The following OXSR1 variants were observed in gnomAD, a reference collection of about 807,000 sequenced individuals.
OXSR1 encodes the protein serine/threonine-protein kinase OSR1.
Under a neutral mutation model 79.8 loss-of-function variants are expected in OXSR1, and 24 were observed. That is an observed-to-expected ratio of 0.30 (90% CI 0.22 to 0.42). OXSR1 has a LOEUF of 0.42. Ranked by LOEUF, OXSR1 falls within the 10% of genes least tolerant of loss-of-function variation. The pLI is 1.00. For synonymous variants in OXSR1, 226 were observed against 209.2 expected, an observed-to-expected ratio of 1.08 and a Z score of -0.69; for missense variants, 430 against 618.4, an observed-to-expected ratio of 0.70 and a Z score of 3.23.
At position 38,170,618 on chromosome 3, in the gene OXSR1, G is replaced by A. The variant is rs114429445; in HGVS notation, c.70+4672G>A. On this transcript the variant is annotated intron_variant, in intron 1 of 17. Coordinates refer to ENST00000311806, the MANE Select transcript of OXSR1 (RefSeq NM_005109.3). ...CAGTTGAAGACACAGAGACAGAAAG[G>A]TAACATGACTGCTTAAAGCCATGTA... 2.9e-3 allele frequency among the ~76,000 whole-genome samples: 443 copies of A among 152,276 alleles called. 1 individual carries two copies. Among genetic ancestry groups the A allele is most frequent in the African/African-American group, 0.01 (423 of 41,538 alleles).
At chr3:38,252,720 C>T in intron 17 of OXSR1, 97 bp from the exon 18 acceptor site, 1 of 919,912 alleles carries the variant, frequency 1.1e-6, no homozygotes, top group Non-Finnish European at 1.8e-6. Context: ...GACCTGTTGC[C>T]CACTGCCTAC....
At chr3:38,223,652 G>A (rs1702632906) in intron 6 of OXSR1, among the ~76,000 whole-genome samples, 160 bp from the exon 7 acceptor site, 1 of 150,912 alleles carries the variant, frequency 6.6e-6, no homozygotes, top group African/African-American at 2.4e-5. Flanking sequence ...GTTTCTCCAT[G>A]TTGGTCAGGC....
chr3:38,208,158 A>G (rs1488644781), intron 4 of OXSR1, among the ~76,000 whole-genome samples: 1 of 151,912 alleles, frequency 6.6e-6, no homozygotes, highest in African/African-American at 2.4e-5. Context: ...CATTTTTTCT[A>G]CTTAACAGTG....
chr3:38,195,362 C>G (rs1702054838), intron 3 of OXSR1, among the ~76,000 whole-genome samples: 1 of 152,154 alleles, frequency 6.6e-6, no homozygotes, highest in South Asian at 2.1e-4. Context: ...CTTCCTTGAT[C>G]TAAAGGAGGA....
At chr3:38,234,165 A>G (rs984386185) in intron 10 of OXSR1, among the ~76,000 whole-genome samples, 2 of 152,190 alleles carry the variant, frequency 1.3e-5, no homozygotes, top group Non-Finnish European at 2.9e-5. Flanking sequence ...AAATATAGCT[A>G]TAAACCTTTG....
intron 11 of OXSR1, among the ~76,000 whole-genome samples, chr3:38,239,848 C>T (rs186152792): frequency 6.6e-6 from 1 of 152,294 alleles, no homozygotes; most frequent in East Asian, 1.9e-4. Flanking sequence ...ATCTAGGTTC[C>T]ACCTCCCTGT....
rs763712090 is a variant in OXSR1, at chr3:38,174,678, G to T, written c.71-8325G>T. Among the ~76,000 whole-genome samples the T allele has an allele frequency of 1.1e-4, 16 of 152,236 alleles. 1 individual carries two copies. Among genetic ancestry groups the T allele is most frequent in the Non-Finnish European group, 2.2e-4 (15 of 68,038 alleles). ...GGTTATCCAGGGGAGAGAAGTAGTA[G>T]TGGAGATGGTGAGAAGTGGTCAGAT... On this transcript the variant is annotated intron_variant, in intron 1 of 17. Transcript: ENST00000311806.
intron 4 of OXSR1, among the ~76,000 whole-genome samples, chr3:38,204,991 G>A (rs368651186): frequency 6.6e-6 from 1 of 152,208 alleles, no homozygotes; most frequent in African/African-American, 2.4e-5. Flanking sequence ...CTCAGGTTCT[G>A]ACTGCTGAGA....
intron 3 of OXSR1, among the ~76,000 whole-genome samples, chr3:38,195,561 T>G (rs1009980181): frequency 2.6e-5 from 4 of 152,208 alleles, no homozygotes; most frequent in Non-Finnish European, 5.9e-5. Flanking sequence ...AAAGATTTAT[T>G]AAAACTTCCT....
chr3:38,213,813 A>T (rs1456541312), intron 4 of OXSR1, among the ~76,000 whole-genome samples: 2 of 152,164 alleles, frequency 1.3e-5, no homozygotes, highest in Non-Finnish European at 2.9e-5. Flanking sequence ...CCTTTGAGAG[A>T]TATTTTATGT....
intron 16 of OXSR1, 64 bp from the exon 17 acceptor site, chr3:38,252,264 A>G: frequency 5.3e-6 from 6 of 1,131,246 alleles, no homozygotes; most frequent in Non-Finnish European, 8.1e-6. Context: ...AGCTTTTAAA[A>G]TATGGTTGAA....
rs1395035817 is a variant in OXSR1, at chr3:38,214,196, A to T, written c.435-1900A>T. Among the ~76,000 whole-genome samples, 9 of 149,134 alleles carry T rather than the reference A, an allele frequency of 6.0e-5. No individual in the cohort carries two copies. The East Asian group carries it at 1.8e-3, about 29-fold the overall frequency. Reference sequence around the variant, plus strand: ...CTTTTTTTTTTTTTTTCCCAGGAAGAGGATTTGAGGCAGGTCATCTCCTCA... The same window carrying T: ...CTTTTTTTTTTTTTTTCCCAGGAAGTGGATTTGAGGCAGGTCATCTCCTCA... On this transcript the variant is annotated intron_variant, in intron 4 of 17. Coordinates refer to ENST00000311806, the MANE Select transcript of OXSR1 (RefSeq NM_005109.3).
At chr3:38,233,621 A>C (rs1287162874) in intron 10 of OXSR1, among the ~76,000 whole-genome samples, 1 of 152,208 alleles carries the variant, frequency 6.6e-6, no homozygotes, top group African/African-American at 2.4e-5. Context: ...TAGAGATAAG[A>C]GTTTATATTT....
At chr3:38,179,590 C>A (rs898539347) in intron 1 of OXSR1, among the ~76,000 whole-genome samples, 3 of 152,068 alleles carry the variant, frequency 2.0e-5, no homozygotes, top group African/African-American at 7.2e-5. Context: ...TTCATAACTC[C>A]AAAAGAAACA....
intron 4 of OXSR1, among the ~76,000 whole-genome samples, chr3:38,199,239 A>T (rs1702118656): frequency 6.6e-6 from 1 of 151,800 alleles, no homozygotes. Context: ...AAAGCTTTTT[A>T]TAAAATAACA....
chr3:38,164,893 G>A (rs1701401774), upstream of OXSR1, among the ~76,000 whole-genome samples: 1 of 152,162 alleles, frequency 6.6e-6, no homozygotes, highest in Admixed American at 6.5e-5. Flanking sequence ...CAAACTTCCA[G>A]TTTCACTCCG....
chr3:38,204,939 AC>A (rs1321393570), intron 4 of OXSR1, among the ~76,000 whole-genome samples: 2 of 151,986 alleles, frequency 1.3e-5, no homozygotes, highest in Non-Finnish European at 2.9e-5. Context: ...TTTATTTAGG[AC>A]CCCAGAGCAC....
intron 2 of OXSR1, among the ~76,000 whole-genome samples, chr3:38,184,111 C>T (rs1015058488): frequency 1.3e-5 from 2 of 151,936 alleles, no homozygotes; most frequent in Non-Finnish European, 2.9e-5. Context: ...AATGACCTGC[C>T]CATCCAGAAG....
chr3:38,232,976 T>A (rs1702841539), intron 10 of OXSR1, among the ~76,000 whole-genome samples: 1 of 152,030 alleles, frequency 6.6e-6, no homozygotes, highest in Admixed American at 6.6e-5. Flanking sequence ...GTAAGGGAAT[T>A]AATAGTGCCA....
Sources: allele counts gnomAD v4.1 joint callset (sites outside exome capture counted in the v4.1 genomes callset), GRCh38; gene constraint gnomAD v4.1.1; transcripts MANE v1.5; gene names NCBI Gene and HGNC (gene_info 2026-07-23, HGNC 2026-07-21).